Variants in COL22A1 observed in about 807,000 individuals in gnomAD.
COL22A1 encodes collagen alpha-1(XXII) chain.
In COL22A1, 221 loss-of-function variants were observed where a neutral mutation model predicts 248.9. That is an observed-to-expected ratio of 0.89 (90% CI 0.80 to 0.99). The LOEUF is 0.99. Among genes scored for constraint, COL22A1 ranks in the 50% least tolerant of loss-of-function variants. The probability of loss-of-function intolerance (pLI) is 0.00; values close to 1 mark genes in which losing one functional copy is unlikely to be tolerated. For missense variants in COL22A1, 2,240 were observed against 2,179.0 expected, an observed-to-expected ratio of 1.03 and a Z score of -0.56; for synonymous variants, 891 against 793.4, an observed-to-expected ratio of 1.12 and a Z score of -2.07.
chr8:138,756,279 T>G (rs1390282354), intron 18 of COL22A1, among the ~76,000 whole-genome samples: 2 of 152,190 alleles, frequency 1.3e-5, no homozygotes, highest in African/African-American at 2.4e-5. Context: ...AATAAGTATT[T>G]ATCAAATAAG....
At chr8:138,653,354 G>A (rs1028052572) in intron 45 of COL22A1, among the ~76,000 whole-genome samples, 4 of 152,150 alleles carry the variant, frequency 2.6e-5, no homozygotes, top group African/African-American at 7.2e-5. Context: ...GGAAGTTCTG[G>A]CTCACGTAAA....
At chr8:138,647,982 A>G (rs745537539) in intron 46 of COL22A1, among the ~76,000 whole-genome samples, 1 of 152,222 alleles carries the variant, frequency 6.6e-6, no homozygotes, top group Non-Finnish European at 1.5e-5. Context: ...AATGAACTAA[A>G]TGATCTTCTG....
chr8:138,679,508 G>T, intron 40 of COL22A1, 109 bp downstream of exon 40: 1 of 911,174 alleles, frequency 1.1e-6, no homozygotes, highest in Non-Finnish European at 1.8e-6. Flanking sequence ...AGCTTCCAAA[G>T]CCTACTTATC....
chr8:138,900,601 T>A (rs1260420884), intron 1 of COL22A1, among the ~76,000 whole-genome samples: 1 of 152,242 alleles, frequency 6.6e-6, no homozygotes, highest in Non-Finnish European at 1.5e-5. Flanking sequence ...AAGCCATATC[T>A]GTGTATTCTT....
Position 138,719,751 on chromosome 8 carries a change from G to A in COL22A1, c.2355+988C>T, listed in dbSNP as rs116972973. 1.6e-3 allele frequency among the ~76,000 whole-genome samples: 246 copies of A among 152,324 alleles called. 2 individuals carry two copies. The highest frequency in any genetic ancestry group is 6.8e-3 in the Middle Eastern group (2 of 294). On this transcript the variant is annotated intron_variant, in intron 27 of 64. Transcript: ENST00000303045. ...GCCACTCCTGTGCTCTGGCTGGGCT[G>A]AATTTGATCATGCATTCTCCACCTA... is the stretch of plus-strand genomic sequence containing the variant.
At chr8:138,649,857 G>T in intron 45 of COL22A1, 79 bp from the exon 46 acceptor site, 1 of 837,572 alleles carries the variant, frequency 1.2e-6, no homozygotes, top group Non-Finnish European at 1.8e-6. Context: ...AGTAGCCCTG[G>T]CTGCTATCTC....
chr8:138,883,134 G>C lies in COL22A1; in HGVS notation c.39C>G (p.Leu13=), dbSNP rs768208144. The change falls in exon 2 of 65, where the codon CTC becomes CTG. Residue 13 remains leucine, a synonymous_variant. Coordinates refer to ENST00000303045, the MANE Select transcript of COL22A1 (RefSeq NM_152888.3). The stretch of plus-strand genomic sequence containing the variant: ...CCCCACTCCACAGCAGCAGCATCCA[G>C]AGGAGGCCAGCCACAGCGTTCCCTC... The part of the protein sequence containing the change: ...GLRGNAVAGL[L]WMLLLWSGGG... 2.5e-6 allele frequency: 4 copies of C among 1,598,222 alleles called. No homozygotes were observed. The Admixed American group carries it at 6.9e-5, about 28-fold the overall frequency.
intron 3 of COL22A1, among the ~76,000 whole-genome samples, chr8:138,852,029 G>C (rs979797779): frequency 5.3e-5 from 8 of 152,092 alleles, no homozygotes; most frequent in Non-Finnish European, 1.0e-4. Flanking sequence ...GGGATTGGAG[G>C]CAACTACAGG....
At chr8:138,774,014 G>C (rs1834611982) in intron 16 of COL22A1, among the ~76,000 whole-genome samples, 1 of 152,154 alleles carries the variant, frequency 6.6e-6, no homozygotes, top group Admixed American at 6.5e-5. Context: ...TGTGTGCCCA[G>C]AGCCTCAGTT....
chr8:138,683,439 T>C (rs887700144), intron 39 of COL22A1, among the ~76,000 whole-genome samples: 2 of 152,196 alleles, frequency 1.3e-5, no homozygotes, highest in Admixed American at 6.5e-5. Context: ...TGGGTGCAAC[T>C]GAATTGAGGA....
chr8:138,805,049 GTA>G (rs1817375777), intron 10 of COL22A1, among the ~76,000 whole-genome samples: 10 of 128,828 alleles, frequency 7.8e-5, no homozygotes, highest in African/African-American at 2.3e-4. Context: ...GATGGTGTGT[GTA>G]ATGGTGTGTG....
chr8:138,879,690 CAAAAA>C (rs372214665), intron 2 of COL22A1, among the ~76,000 whole-genome samples: 1 of 99,044 alleles, frequency 1.0e-5, no homozygotes, highest in South Asian at 3.5e-4. Context: ...GACACTCTCT[CAAAAA>C]AAAAAAAAAA....
At chr8:138,627,386 T>C (rs1352453109) in intron 50 of COL22A1, among the ~76,000 whole-genome samples, 4 of 152,218 alleles carry the variant, frequency 2.6e-5, no homozygotes, top group Non-Finnish European at 5.9e-5. Context: ...TTGCATGTTG[T>C]CTATGGCTGA....
intron 54 of COL22A1, among the ~76,000 whole-genome samples, chr8:138,616,298 A>C (rs1184689243): frequency 1.3e-5 from 2 of 152,170 alleles, no homozygotes; most frequent in Non-Finnish European, 2.9e-5. Context: ...TCAAGCAGGG[A>C]AGAACAGCAG....
At chr8:138,616,131 G>T (rs1819301141) in intron 54 of COL22A1, 77 bp from the exon 55 acceptor site, 2 of 1,200,866 alleles carry the variant, frequency 1.7e-6, no homozygotes, top group Non-Finnish European at 2.5e-6. Context: ...GGCACCTGAG[G>T]AGCTGGGAGA....
intron 22 of COL22A1, among the ~76,000 whole-genome samples, chr8:138,742,658 G>T (rs1831714010): frequency 6.6e-6 from 1 of 150,816 alleles, no homozygotes; most frequent in South Asian, 2.1e-4. Flanking sequence ...GGAGTTGATG[G>T]TGATGGTGGT....
Position 138,679,665 on chromosome 8 carries a change from T to C in COL22A1, c.3024A>G (p.Gly1008=). ...CACAGTTTTCTGACCCTCTGACTTT[T>C]CCGCAAGCAGCCTGAAAGTAGAAAA... The part of the protein sequence containing the change: ...PGPLGTKAAC[G]KVRGSENCAL... Residue 1008 remains glycine (G), a synonymous_variant, in exon 40 of 65, where the codon GGA becomes GGG. Coordinates refer to ENST00000303045, the MANE Select transcript of COL22A1 (RefSeq NM_152888.3). The C allele has an allele frequency of 6.2e-7, 1 of 1,614,028 alleles. No homozygotes were observed. Among genetic ancestry groups the C allele is most frequent in the African/African-American group, 1.3e-5 (1 of 75,046 alleles).
chr8:138,804,260 G>A (rs1817263907), intron 10 of COL22A1, among the ~76,000 whole-genome samples: 1 of 152,180 alleles, frequency 6.6e-6, no homozygotes, highest in Admixed American at 6.5e-5. Flanking sequence ...CCCAGCCTTT[G>A]ACTCAGGGTC....
At chr8:138,674,877 A>G (rs1189047280) in intron 41 of COL22A1, among the ~76,000 whole-genome samples, 1 of 152,170 alleles carries the variant, frequency 6.6e-6, no homozygotes, top group East Asian at 1.9e-4. Context: ...AGAAGGCATA[A>G]ACTATTGTGT....
Sources: allele counts gnomAD v4.1 joint callset (sites outside exome capture counted in the v4.1 genomes callset), GRCh38; gene constraint gnomAD v4.1.1; transcripts MANE v1.5; gene names NCBI Gene and HGNC (gene_info 2026-07-23, HGNC 2026-07-21).